The following SDK1 variants were observed in gnomAD, a reference collection of about 807,000 sequenced individuals.
SDK1 encodes the protein sidekick cell adhesion molecule 1.
Under a neutral mutation model 245.5 loss-of-function variants are expected in SDK1, and 157 were observed. The observed-to-expected ratio is 0.64, with a 90% CI of 0.56 to 0.73. The LOEUF (loss-of-function observed/expected upper bound fraction) is 0.73. Ranked by LOEUF, SDK1 falls within the 30% of genes least tolerant of loss-of-function variation. The pLI is 0.00. For missense variants in SDK1, 3,583 were observed against 3,002.3 expected (o/e 1.19, Z -4.52); for synonymous variants, 1,647 against 1,278.5 (o/e 1.29, Z -6.15).
intron 4 of SDK1, among the ~76,000 whole-genome samples, chr7:3,769,428 T>C (rs1009357397): frequency 6.6e-6 from 1 of 152,118 alleles, no homozygotes; most frequent in African/African-American, 2.4e-5. Context: ...CCCACTCCTA[T>C]GATAACCCTT....
intron 4 of SDK1, among the ~76,000 whole-genome samples, chr7:3,677,852 C>T (rs1562650472): frequency 6.6e-6 from 1 of 152,246 alleles, no homozygotes; most frequent in Admixed American, 6.5e-5. Flanking sequence ...ACATGGATAA[C>T]CAGCTGATTT....
intron 1 of SDK1, among the ~76,000 whole-genome samples, chr7:3,304,011 T>C (rs1429803489): frequency 6.6e-6 from 1 of 152,194 alleles, no homozygotes; most frequent in East Asian, 1.9e-4. Flanking sequence ...ATGACTAATT[T>C]CTCTGCACCT....
At chr7:3,929,084 GC>G (rs1313294351) in intron 5 of SDK1, among the ~76,000 whole-genome samples, 1 of 152,242 alleles carries the variant, frequency 6.6e-6, no homozygotes, top group African/African-American at 2.4e-5. Flanking sequence ...GGAGAGGAAT[GC>G]CCCTCGAAGG....
intron 16 of SDK1, among the ~76,000 whole-genome samples, chr7:4,012,485 A>AT (rs959179606): frequency 7.5e-6 from 1 of 133,812 alleles, no homozygotes; most frequent in African/African-American, 2.7e-5. Flanking sequence ...TCAGGGTAGC[A>AT]TTTTGGCAGG....
intron 1 of SDK1, among the ~76,000 whole-genome samples, chr7:3,364,104 C>A (rs1278504472): frequency 1.3e-5 from 2 of 152,032 alleles, no homozygotes; most frequent in South Asian, 2.1e-4. Flanking sequence ...TTCAGTGAAA[C>A]GTTTATGTCT....
intron 32 of SDK1, among the ~76,000 whole-genome samples, chr7:4,167,309 C>A (rs1472592771): frequency 2.0e-5 from 3 of 152,100 alleles, no homozygotes; most frequent in Non-Finnish European, 2.9e-5. Flanking sequence ...ATTGCTTGAA[C>A]CCGAGAGGCT....
Position 4,011,050 on chromosome 7 carries a change from A to G in SDK1, c.2216A>G (p.Tyr739Cys), listed in dbSNP as rs777647627. Residue 739 changes from tyrosine to cysteine, a missense_variant, in exon 15 of 45, where the codon TAT becomes TGT. Tyr to Cys is a radical substitution (Grantham distance 194). Transcript: ENST00000404826. ...TVSGLTPART[Y>C]QFRVCAVNEV... The stretch of plus-strand genomic sequence containing the variant: ...AGTGGCCTGACTCCGGCTCGTACCT[A>G]TCAATTCCGGGTGTGCGCGGTGAAT... 1.9e-6 allele frequency: 3 copies of G among 1,614,108 alleles called. No homozygotes were observed. The highest frequency in any genetic ancestry group is 1.7e-5 in the Admixed American group (1 of 60,010).
At chr7:4,162,369 G>GTTATTA (rs533484732) in intron 32 of SDK1, among the ~76,000 whole-genome samples, 4,511 of 128,216 alleles carry the variant, frequency 0.035, 109 homozygotes, top group South Asian at 0.059. Context: ...TGTTGTTGTT[G>GTTATTA]TTATTATTAT....
chr7:4,252,269 C>T (rs970723705), intron 44 of SDK1, among the ~76,000 whole-genome samples: 1 of 146,760 alleles, frequency 6.8e-6, no homozygotes. Context: ...CATGTGTGCT[C>T]ATTGTTCAAT....
In SDK1 at chr7:3,639,058, G is replaced by A. The variant is rs1782562830; in HGVS notation, c.513G>A (p.Val171=). 2 of 1,605,318 alleles carry A rather than the reference G, an allele frequency of 1.2e-6. No individual in the cohort carries two copies. The highest frequency in any genetic ancestry group is 1.7e-6 in the Non-Finnish European group (2 of 1,173,406). The part of the protein sequence containing the change: ...KLDAGFYRCV[V]RNRMGALLQR... ...ATGCTGGGTTTTACCGCTGCGTGGT[G>A]CGAAACAGAATGGGAGCACTCCTGC... The change falls in exon 3 of 45, where the codon GTG becomes GTA. Residue 171 remains valine, a synonymous_variant. Transcript: ENST00000404826.
intron 4 of SDK1, among the ~76,000 whole-genome samples, chr7:3,692,037 C>T (rs915030058): frequency 5.9e-5 from 9 of 152,070 alleles, no homozygotes; most frequent in African/African-American, 2.2e-4. Flanking sequence ...ATGTACCAGG[C>T]ACTCAGAATA....
chr7:3,305,019 T>A (rs1779380937), intron 1 of SDK1, among the ~76,000 whole-genome samples: 1 of 152,336 alleles, frequency 6.6e-6, no homozygotes, highest in East Asian at 1.9e-4. Context: ...GATTTCCCTT[T>A]CATGCCTTCC....
intron 19 of SDK1, among the ~76,000 whole-genome samples, chr7:4,058,339 C>G (rs1156994530): frequency 6.6e-6 from 1 of 151,966 alleles, no homozygotes; most frequent in African/African-American, 2.4e-5. Flanking sequence ...TGAATAAAGA[C>G]TATGTGATAT....
At chr7:3,883,890 A>G (rs1033182752) in intron 5 of SDK1, among the ~76,000 whole-genome samples, 1 of 152,128 alleles carries the variant, frequency 6.6e-6, no homozygotes, top group Non-Finnish European at 1.5e-5. Flanking sequence ...ACATGGCCTC[A>G]ATATTCCTAC....
chr7:3,740,545 C>T (rs1779449307), intron 4 of SDK1, among the ~76,000 whole-genome samples: 1 of 152,160 alleles, frequency 6.6e-6, no homozygotes, highest in African/African-American at 2.4e-5. Context: ...CTTTTGAAGG[C>T]AGCTTCTTGA....
chr7:3,692,363 G>T (rs891311202), intron 4 of SDK1, among the ~76,000 whole-genome samples: 1 of 152,078 alleles, frequency 6.6e-6, no homozygotes, highest in Non-Finnish European at 1.5e-5. Flanking sequence ...GTGTGTGTCT[G>T]TGTGTGTGCA....
intron 5 of SDK1, among the ~76,000 whole-genome samples, chr7:3,851,259 A>T (rs1780412196): frequency 2.0e-5 from 3 of 152,204 alleles, no homozygotes; most frequent in Admixed American, 2.0e-4. Context: ...TTTCTTGAAG[A>T]CATGATATAG....
Position 3,828,233 on chromosome 7 carries a change from A to G in SDK1, c.847+6650A>G, listed in dbSNP as rs563510928. ...GTGAAGGCTGCAGTGAGCCGAGATC[A>G]CTCCACTGCACTCCAACCAAGGCGA... is the stretch of plus-strand genomic sequence containing the variant. On this transcript the variant is annotated intron_variant, in intron 5 of 44. Coordinates refer to ENST00000404826, the MANE Select transcript of SDK1 (RefSeq NM_152744.4). Among the ~76,000 whole-genome samples the G allele has an allele frequency of 2.6e-5, 4 of 152,036 alleles. No individual in the cohort carries two copies. In the South Asian group the frequency reaches 8.3e-4, roughly 32 times the overall value.
At chr7:3,392,889 C>A (rs1262168288) in intron 1 of SDK1, among the ~76,000 whole-genome samples, 1 of 150,626 alleles carries the variant, frequency 6.6e-6, no homozygotes, top group African/African-American at 2.4e-5. Flanking sequence ...GTTGTTGCCT[C>A]CTTTTGGCTA....
Sources: gnomAD v4.1 joint callset for allele counts (sites outside exome capture counted in the v4.1 genomes callset) on GRCh38, gnomAD v4.1.1 for gene constraint, MANE v1.5 for transcripts, NCBI Gene and HGNC (gene_info 2026-07-23, HGNC 2026-07-21) for gene names.